RRM1: variants seen among roughly 807,000 people sequenced by gnomAD.
RRM1 encodes ribonucleotide reductase catalytic subunit M1.
RRM1 carries 19 observed loss-of-function variants against 101.5 expected under a neutral mutation model. The ratio of observed to expected loss-of-function variants is 0.19; its 90% CI spans 0.13 to 0.27. RRM1 has a LOEUF of 0.27. Among genes scored for constraint, RRM1 ranks in the 10% least tolerant of loss-of-function variants. The pLI is 1.00. For synonymous variants in RRM1, 298 were observed against 323.4 expected, an observed-to-expected ratio of 0.92 and a Z score of 0.84; for missense variants, 500 against 962.9, an observed-to-expected ratio of 0.52 and a Z score of 6.36.
At chr11:4,097,257 C>T (rs1046480416) in intron 1 of RRM1, among the ~76,000 whole-genome samples, 15 of 124,792 alleles carry the variant, frequency 1.2e-4, no homozygotes, top group Non-Finnish European at 2.2e-4. Flanking sequence ...CCAGTCTAGG[C>T]GACAGAGTGA....
In RRM1 at chr11:4,133,573, C is replaced by T; in HGVS notation, c.1916C>T (p.Pro639Leu). The T allele has an allele frequency of 6.2e-7, 1 of 1,604,558 alleles. No homozygotes were observed. The highest frequency in any genetic ancestry group is 8.5e-7 in the Non-Finnish European group (1 of 1,174,080). The change falls in exon 17 of 19, where the codon CCT (proline) becomes CTT (leucine). Residue 639 changes from proline (P) to leucine (L), a missense_variant. Physicochemically the swap from Pro to Leu is moderately conservative, Grantham distance 98. This residue lies in a region of RRM1 where 79 missense variants were observed against 176.4 expected (regional missense o/e 0.45). Coordinates refer to ENST00000300738, the MANE Select transcript of RRM1 (RefSeq NM_001033.5). ...VLSGEFQIVNPHLLKDLTERG... is the reference protein window; with the variant it reads ...VLSGEFQIVNLHLLKDLTERG... ...TGCTTTTCCATTCAGATTGTAAATC[C>T]TCACTTATTGAAAGATCTTACCGAG...
intron 15 of RRM1, among the ~76,000 whole-genome samples, chr11:4,130,825 T>C (rs972031923): frequency 6.6e-6 from 1 of 152,220 alleles, no homozygotes; most frequent in African/African-American, 2.4e-5. Context: ...ATATATCATA[T>C]ATGTAGGACT....
At chr11:4,098,591 TA>T (rs1645248408) in intron 1 of RRM1, among the ~76,000 whole-genome samples, 1 of 152,090 alleles carries the variant, frequency 6.6e-6, no homozygotes, top group South Asian at 2.1e-4. Flanking sequence ...AGTAATATGA[TA>T]AAATATGATA....
chr11:4,106,894 A>AT lies in RRM1; in HGVS notation c.287-534dup, dbSNP rs149372734. On this transcript the variant is annotated intron_variant, in intron 3 of 18. Transcript: ENST00000300738. Reference sequence around the variant, plus strand: ...CTTTTTTTCATTTTCTCTTTTTAAAATTTTTTTATTTTTTTTGAGATAAAG... The same window carrying AT: ...CTTTTTTTCATTTTCTCTTTTTAAAATTTTTTTTATTTTTTTTGAGATAAAG... 8.1e-3 allele frequency among the ~76,000 whole-genome samples: 1,238 copies of AT among 152,050 alleles called. 19 individuals are homozygous for AT. The highest frequency in any genetic ancestry group is 0.028 in the African/African-American group (1,163 of 41,466).
intron 4 of RRM1, 21 bp downstream of exon 4, chr11:4,107,556 G>C: frequency 1.3e-6 from 2 of 1,520,442 alleles, no homozygotes; most frequent in Non-Finnish European, 1.8e-6. Flanking sequence ...CACTTATCTG[G>C]TGGAAATTTT....
intron 13 of RRM1, 54 bp from the exon 14 acceptor site, chr11:4,126,981 C>T: frequency 6.6e-7 from 1 of 1,516,186 alleles, no homozygotes; most frequent in Non-Finnish European, 9.0e-7. Flanking sequence ...CAGAATGTTG[C>T]TTTTCCTGTT....
intron 5 of RRM1, 100 bp downstream of exon 5, chr11:4,109,803 T>C (rs2094563034): frequency 4.1e-6 from 4 of 966,502 alleles, no homozygotes; most frequent in East Asian, 2.6e-5. Flanking sequence ...CATAAGTTGT[T>C]TGGAGTTGAG....
Position 4,123,042 on chromosome 11 carries a change from TATC to T in RRM1, c.1119-138_1119-136del, listed in dbSNP as rs1424599531. The T allele has an allele frequency of 7.1e-6, 5 of 703,420 alleles. No individual in the cohort carries two copies. In the South Asian group the frequency reaches 8.7e-5, roughly 12 times the overall value. 43.6% of individuals were successfully genotyped at this position (703,420 alleles called of 1,614,324 possible). A position where few individuals can be genotyped will look rare whatever the true frequency, so the allele number is the denominator to read the frequency against. On this transcript the variant is annotated intron_variant, in intron 11 of 18. Coordinates refer to ENST00000300738, the MANE Select transcript of RRM1 (RefSeq NM_001033.5). ...ATGGCTTTAGCTAGAGTAAAATAAATATCATATTCCTTTTTTTCTTTAGCAAAA... is the reference window on the plus strand; with the variant it reads ...ATGGCTTTAGCTAGAGTAAAATAAATATATTCCTTTTTTTCTTTAGCAAAA...
chr11:4,126,925 T>C, intron 13 of RRM1, 92 bp downstream of exon 13: 1 of 1,418,110 alleles, frequency 7.1e-7, no homozygotes, highest in Non-Finnish European at 9.7e-7. Flanking sequence ...TAAATGGTTA[T>C]CAATAAAATG....
chr11:4,135,359 A>G (rs1218061828), intron 18 of RRM1, 89 bp downstream of exon 18: 5 of 992,372 alleles, frequency 5.0e-6, no homozygotes, highest in Non-Finnish European at 7.3e-6. Flanking sequence ...CCTATTAAAT[A>G]TTATCACCTA....
chr11:4,117,625 A>G (rs2094575541), intron 7 of RRM1, among the ~76,000 whole-genome samples: 1 of 152,242 alleles, frequency 6.6e-6, no homozygotes, highest in Non-Finnish European at 1.5e-5. Flanking sequence ...GAGGATTGCA[A>G]TGAGGGTATA....
chr11:4,129,802 C>G (rs530089932), intron 15 of RRM1, among the ~76,000 whole-genome samples: 1 of 151,774 alleles, frequency 6.6e-6, no homozygotes, highest in African/African-American at 2.4e-5. Flanking sequence ...GAAGCAGTAG[C>G]TTTAAAATGC....
chr11:4,100,380 C>T (rs1037020706), intron 1 of RRM1, among the ~76,000 whole-genome samples: 3 of 152,104 alleles, frequency 2.0e-5, no homozygotes, highest in Non-Finnish European at 2.9e-5. Flanking sequence ...AGAAGTGTTT[C>T]GGATTTTGGA....
intron 12 of RRM1, among the ~76,000 whole-genome samples, chr11:4,124,737 G>T (rs1273465340): frequency 6.6e-6 from 1 of 151,938 alleles, no homozygotes; most frequent in Non-Finnish European, 1.5e-5. Flanking sequence ...TGTTGCCCAA[G>T]CTGGGCTGTG....
At chr11:4,113,434 C>T (rs143176054) in intron 7 of RRM1, among the ~76,000 whole-genome samples, 89 of 152,200 alleles carry the variant, frequency 5.8e-4, no homozygotes, top group African/African-American at 2.0e-3. Context: ...ATGATTTTTA[C>T]ATAGGAAACT....
intron 7 of RRM1, among the ~76,000 whole-genome samples, chr11:4,117,776 G>A (rs2094575749): frequency 6.6e-6 from 1 of 152,178 alleles, no homozygotes; most frequent in African/African-American, 2.4e-5. Context: ...GAATATTCAA[G>A]GCAGTGAAGA....
intron 1 of RRM1, among the ~76,000 whole-genome samples, chr11:4,098,916 T>C (rs2094547114): frequency 6.6e-6 from 1 of 152,232 alleles, no homozygotes; most frequent in African/African-American, 2.4e-5. Context: ...GAAAGGCTTC[T>C]CTGAGAAGCC....
At chr11:4,123,696 A>T (rs533949188) in intron 12 of RRM1, among the ~76,000 whole-genome samples, 1 of 152,300 alleles carries the variant, frequency 6.6e-6, no homozygotes, top group Non-Finnish European at 1.5e-5. Flanking sequence ...ATGTGTTAGG[A>T]TGTACATTCA....
In RRM1 at chr11:4,127,404, A is replaced by G. The variant is rs560984087; in HGVS notation, c.1692+148A>G. 1.2e-4 allele frequency: 62 copies of G among 516,114 alleles called. No homozygotes were observed. The Admixed American group carries it at 2.1e-3, about 17-fold the overall frequency. The allele number at this position is 516,114 out of a possible 1,614,324, so 32.0% of individuals were successfully genotyped here. ...CAAAAAAAGGTATTTTGCAGATGTA[A>G]TTAAGAACCTTGAGATAAGGAGATT... On this transcript the variant is annotated intron_variant, in intron 14 of 18. Transcript: ENST00000300738.
Sources: gnomAD v4.1 joint callset for allele counts (sites outside exome capture counted in the v4.1 genomes callset) on GRCh38, gnomAD v4.1.1 for gene constraint, gnomAD v4.1.1 regional missense constraint, MANE v1.5 for transcripts, NCBI Gene and HGNC (gene_info 2026-07-23, HGNC 2026-07-21) for gene names.